SMIM27: variants seen among roughly 807,000 people sequenced by gnomAD.
SMIM27 encodes the protein TOPORS antisense RNA 1 (non-protein coding).
A neutral mutation model predicts 1.8 loss-of-function variants in SMIM27; 3 were observed. That is an observed-to-expected ratio of 1.65 (90% CI 0.75 to 4.28). SMIM27 has a LOEUF of 4.28. SMIM27 is among the 30% of genes most tolerant of loss of function. SMIM27 has a pLI of 0.02. For missense variants in SMIM27, 63 were observed against 37.0 expected, an observed-to-expected ratio of 1.70 and a Z score of -1.83; for synonymous variants, 19 against 13.9, an observed-to-expected ratio of 1.37 and a Z score of -0.82.
At chr9:32,552,637 C>A (rs1346798649) in intron 1 of SMIM27, 158 bp downstream of exon 1, 4 of 692,398 alleles carry the variant, frequency 5.8e-6, no homozygotes, top group Non-Finnish European at 1.0e-5. Flanking sequence ...AGGATACGAT[C>A]TTCCGCTTCT....
At chr9:32,559,487 GAAA>G (rs1322442932) in intron 1 of SMIM27, among the ~76,000 whole-genome samples, 1 of 152,156 alleles carries the variant, frequency 6.6e-6, no homozygotes, top group African/African-American at 2.4e-5. Flanking sequence ...AATTCTTAGA[GAAA>G]AAGCCAGTCT....
At chr9:32,565,304 GAAAA>G (rs1317637527) in intron 1 of SMIM27, 1 of 148,584 alleles carries the variant, frequency 6.7e-6, no homozygotes, top group Non-Finnish European at 1.5e-5. Flanking sequence ...AAAAAAAAAA[GAAAA>G]AAATTCAGCA....
At chr9:32,565,531 AC>A (rs1050558913) in intron 1 of SMIM27, 4 of 152,268 alleles carry the variant, frequency 2.6e-5, no homozygotes, top group African/African-American at 9.6e-5. Flanking sequence ...TGGTGACCAC[AC>A]CACATGAGCA....
downstream of SMIM27, among the ~76,000 whole-genome samples, chr9:32,557,552 T>C (rs1433610967): frequency 6.6e-6 from 1 of 151,810 alleles, no homozygotes; most frequent in Non-Finnish European, 1.5e-5. Flanking sequence ...CGATCTCAGC[T>C]CACTGCAACC....
downstream of SMIM27, among the ~76,000 whole-genome samples, chr9:32,555,169 T>C (rs994372436): frequency 6.6e-6 from 1 of 152,050 alleles, no homozygotes; most frequent in Non-Finnish European, 1.5e-5. Flanking sequence ...TCCCAGCACT[T>C]TGGGAGTCCA....
intron 1 of SMIM27, among the ~76,000 whole-genome samples, chr9:32,563,150 A>T (rs962825434): frequency 1.3e-5 from 2 of 152,150 alleles, no homozygotes; most frequent in African/African-American, 4.8e-5. Flanking sequence ...CTGTGTTCTT[A>T]TTGCAGCCTA....
downstream of SMIM27, chr9:32,553,215 G>A: frequency 4.1e-6 from 1 of 245,510 alleles, no homozygotes; most frequent in South Asian, 5.4e-5. Flanking sequence ...TTTTTTTTGA[G>A]ACGGAGTCTT....
chr9:32,551,219 C>T (rs1277239700), upstream of SMIM27: 4 of 597,666 alleles, frequency 6.7e-6, no homozygotes, highest in Admixed American at 2.9e-5. Context: ...ACTGGGGACA[C>T]TGACTGAATG....
chr9:32,556,534 T>C (rs893640028), downstream of SMIM27, among the ~76,000 whole-genome samples: 1 of 152,180 alleles, frequency 6.6e-6, no homozygotes, highest in Non-Finnish European at 1.5e-5. Context: ...ATTCTAAACA[T>C]ATATACAATG....
At chr9:32,561,505 T>C (rs1294026016) in intron 1 of SMIM27, among the ~76,000 whole-genome samples, 1 of 151,972 alleles carries the variant, frequency 6.6e-6, no homozygotes, top group African/African-American at 2.4e-5. Flanking sequence ...TTTTTTTGTA[T>C]TTTAGTAGAG....
downstream of SMIM27, among the ~76,000 whole-genome samples, chr9:32,555,495 A>C (rs777472019): frequency 4.6e-5 from 7 of 152,240 alleles, no homozygotes; most frequent in Non-Finnish European, 8.8e-5. Context: ...GAAATGAGAC[A>C]AGCTGGTAAC....
intron 1 of SMIM27, among the ~76,000 whole-genome samples, chr9:32,565,026 C>T (rs757862453): frequency 1.3e-5 from 2 of 152,170 alleles, no homozygotes; most frequent in African/African-American, 2.4e-5. Context: ...GGTGCGGTGG[C>T]TCACGCTTGT....
At chr9:32,560,529 T>A (rs1368870127) in intron 1 of SMIM27, among the ~76,000 whole-genome samples, 5 of 152,226 alleles carry the variant, frequency 3.3e-5, no homozygotes, top group Non-Finnish European at 7.3e-5. Context: ...TCAGAGTTTG[T>A]AATGTGTAAG....
intron 1 of SMIM27, chr9:32,559,105 T>G: frequency 2.0e-6 from 1 of 505,440 alleles, no homozygotes; most frequent in Non-Finnish European, 3.6e-6. Flanking sequence ...CATCTCTACT[T>G]AGCTATCAAA....
downstream of SMIM27, chr9:32,553,715 A>C: frequency 3.5e-6 from 2 of 578,350 alleles, no homozygotes; most frequent in East Asian, 3.0e-5. Context: ...CTTTTTACTT[A>C]TTGTTAAATT....
intron 1 of SMIM27, among the ~76,000 whole-genome samples, chr9:32,563,916 G>A (rs10971025): frequency 0.17 from 26,406 of 152,154 alleles, 2,653 homozygotes; most frequent in South Asian, 0.37. Flanking sequence ...CATTCTTTCA[G>A]CACTTCTTTA....
intron 1 of SMIM27, chr9:32,565,266 C>T (rs996355426): frequency 1.3e-5 from 2 of 150,850 alleles, no homozygotes; most frequent in African/African-American, 4.9e-5. Flanking sequence ...GCACTCCAGC[C>T]AGGAGACACA....
downstream of SMIM27, among the ~76,000 whole-genome samples, chr9:32,557,433 T>C (rs977525446): frequency 2.0e-5 from 3 of 150,742 alleles, no homozygotes; most frequent in Non-Finnish European, 2.9e-5. Flanking sequence ...CTTCCCATAG[T>C]GCTGTAATTA....
chr9:32,563,828 T>C (rs1438921560), intron 1 of SMIM27, among the ~76,000 whole-genome samples: 2 of 152,230 alleles, frequency 1.3e-5, no homozygotes, highest in Non-Finnish European at 2.9e-5. Flanking sequence ...ATTACTATCA[T>C]TATTTACTTT....
Sources: allele counts gnomAD v4.1 joint callset (sites outside exome capture counted in the v4.1 genomes callset), GRCh38; gene constraint gnomAD v4.1.1; transcripts MANE v1.5; gene names NCBI Gene and HGNC (gene_info 2026-07-23, HGNC 2026-07-21).